LRRTM4: variants seen among roughly 807,000 people sequenced by gnomAD.
The protein encoded by LRRTM4 is leucine rich repeat transmembrane neuronal 4, also known as leucine-rich repeat transmembrane neuronal protein 4.
In LRRTM4, 25 loss-of-function variants were observed where a neutral mutation model predicts 47.6. The observed-to-expected ratio is 0.53, with a 90% CI of 0.38 to 0.73. The LOEUF is 0.73. LRRTM4 is among the 30% of genes least tolerant of loss of function. LRRTM4 has a pLI of 0.00. For missense variants in LRRTM4, 638 were observed against 713.4 expected, an observed-to-expected ratio of 0.89 and a Z score of 1.20; for synonymous variants, 311 against 269.5, an observed-to-expected ratio of 1.15 and a Z score of -1.51.
chr2:77,128,456 T>C (rs575525394), intron 3 of LRRTM4, among the ~76,000 whole-genome samples: 1 of 152,034 alleles, frequency 6.6e-6, no homozygotes, highest in Non-Finnish European at 1.5e-5. Context: ...CTAAAACTTT[T>C]TCCATTGATG....
chr2:77,362,170 AAAGG>A (rs1553434339), intron 3 of LRRTM4, among the ~76,000 whole-genome samples: 39 of 133,630 alleles, frequency 2.9e-4, no homozygotes, highest in Middle Eastern at 3.7e-3. Context: ...AGAAAGAAAG[AAAGG>A]AAGGAAGGAA....
chr2:77,339,498 T>A (rs537364644), intron 3 of LRRTM4, among the ~76,000 whole-genome samples: 4 of 152,172 alleles, frequency 2.6e-5, no homozygotes, highest in Admixed American at 2.6e-4. Context: ...AGGTGTTCAA[T>A]AAATACTTGT....
chr2:76,850,715 G>A (rs756704589), intron 3 of LRRTM4, among the ~76,000 whole-genome samples: 2 of 152,108 alleles, frequency 1.3e-5, no homozygotes, highest in Non-Finnish European at 2.9e-5. Context: ...TGATATGTAT[G>A]TGTGTGTATT....
chr2:77,294,771 A>C, intron 3 of LRRTM4, among the ~76,000 whole-genome samples: 1 of 152,176 alleles, frequency 6.6e-6, no homozygotes, highest in East Asian at 1.9e-4. Context: ...TTTTAGAAAA[A>C]TGTATCTTCT....
At chr2:77,225,763 A>G (rs554048712) in intron 3 of LRRTM4, among the ~76,000 whole-genome samples, 3 of 152,272 alleles carry the variant, frequency 2.0e-5, no homozygotes, top group South Asian at 2.1e-4. Context: ...TACCTAGAGA[A>G]GAAAACTAAA....
At chr2:77,303,254 T>G (rs752748010) in intron 3 of LRRTM4, among the ~76,000 whole-genome samples, 16 of 151,308 alleles carry the variant, frequency 1.1e-4, no homozygotes, top group Non-Finnish European at 1.6e-4. Context: ...AGAGCGAAAC[T>G]CCATCTCAAA....
At chr2:76,938,266 A>G (rs911237874) in intron 3 of LRRTM4, among the ~76,000 whole-genome samples, 4 of 152,168 alleles carry the variant, frequency 2.6e-5, no homozygotes, top group Non-Finnish European at 5.9e-5. Context: ...TCAAAAATGC[A>G]TCATTTGGTC....
chr2:76,934,297 G>A (rs1387955927), intron 3 of LRRTM4, among the ~76,000 whole-genome samples: 1 of 152,044 alleles, frequency 6.6e-6, no homozygotes, highest in East Asian at 1.9e-4. Flanking sequence ...ACTATTAAAA[G>A]GCAATTGTTT....
intron 3 of LRRTM4, among the ~76,000 whole-genome samples, chr2:76,808,898 T>C (rs1670642764): frequency 6.6e-6 from 1 of 152,204 alleles, no homozygotes; most frequent in Admixed American, 6.5e-5. Context: ...CCATTTCTTT[T>C]CCATTTTAGC....
chr2:77,190,139 G>A (rs1238945373), intron 3 of LRRTM4, among the ~76,000 whole-genome samples: 6 of 151,572 alleles, frequency 4.0e-5, no homozygotes, highest in Admixed American at 3.9e-4. Flanking sequence ...TTCTTTTTGG[G>A]TCTAGTTTAT....
At chr2:76,959,019 G>C (rs1039009874) in intron 3 of LRRTM4, among the ~76,000 whole-genome samples, 4 of 151,530 alleles carry the variant, frequency 2.6e-5, no homozygotes, top group East Asian at 2.0e-4. Context: ...TTTCGGAAAA[G>C]GGCCTCCTAC....
intron 3 of LRRTM4, among the ~76,000 whole-genome samples, chr2:77,052,160 T>A (rs1679455879): frequency 7.0e-6 from 1 of 142,518 alleles, no homozygotes; most frequent in Admixed American, 7.0e-5. Flanking sequence ...CTTTTTTTTT[T>A]TTTTTTTTTT....
At chr2:77,086,471 T>A (rs1680718618) in intron 3 of LRRTM4, among the ~76,000 whole-genome samples, 2 of 146,622 alleles carry the variant, frequency 1.4e-5, no homozygotes, top group South Asian at 2.2e-4. Context: ...AGGTTACATA[T>A]AATAATTTTT....
intron 3 of LRRTM4, among the ~76,000 whole-genome samples, chr2:77,248,682 T>C (rs546739456): frequency 6.6e-6 from 1 of 152,128 alleles, no homozygotes; most frequent in African/African-American, 2.4e-5. Flanking sequence ...AGTATGGTAC[T>C]GGCAAAATAA....
At position 77,088,262 on chromosome 2, in the gene LRRTM4, C is replaced by G. The variant is rs147464610; in HGVS notation, c.1552-339346G>C. Among the ~76,000 whole-genome samples the G allele has an allele frequency of 7.6e-3, 1,160 of 152,288 alleles. 4 individuals are homozygous for G. The highest frequency in any genetic ancestry group is 0.014 in the Admixed American group (215 of 15,308). On this transcript the variant is annotated intron_variant, in intron 3 of 3. Transcript: ENST00000409884. ...GAACAGCCTGAAGCAATCGCGTCCC[C>G]TGTGACTTGCACGTATACGCCCAGA...
At chr2:76,822,808 T>C (rs1260635887) in intron 3 of LRRTM4, among the ~76,000 whole-genome samples, 1 of 151,446 alleles carries the variant, frequency 6.6e-6, no homozygotes, top group South Asian at 2.1e-4. Context: ...TATTATTTAT[T>C]TATTTATTAT....
chr2:77,126,230 T>C (rs1053676294), intron 3 of LRRTM4, among the ~76,000 whole-genome samples: 6 of 152,068 alleles, frequency 3.9e-5, no homozygotes, highest in African/African-American at 1.4e-4. Context: ...CTTGATGACA[T>C]AGTCCAATAA....
chr2:76,973,119 T>G (rs1287098678), intron 3 of LRRTM4, among the ~76,000 whole-genome samples: 1 of 151,310 alleles, frequency 6.6e-6, no homozygotes, highest in Admixed American at 6.6e-5. Context: ...TATAAATTAA[T>G]TTTTTCGTAA....
intron 3 of LRRTM4, among the ~76,000 whole-genome samples, chr2:77,313,216 G>C (rs967877608): frequency 1.3e-5 from 2 of 149,750 alleles, no homozygotes; most frequent in South Asian, 2.1e-4. Context: ...GCCTCCCGAT[G>C]TTTTCCTGGG....
Sources: allele counts gnomAD v4.1 joint callset (sites outside exome capture counted in the v4.1 genomes callset), GRCh38; gene constraint gnomAD v4.1.1; transcripts MANE v1.5; gene names NCBI Gene and HGNC (gene_info 2026-07-23, HGNC 2026-07-21).